KDSR: variants seen among roughly 807,000 people sequenced by gnomAD.
The protein encoded by KDSR is 3-dehydrosphinganine reductase.
A neutral mutation model predicts 41.3 loss-of-function variants in KDSR; 23 were observed. The ratio of observed to expected loss-of-function variants is 0.56; its 90% CI spans 0.40 to 0.79. The LOEUF (loss-of-function observed/expected upper bound fraction) is 0.79. Among genes scored for constraint, KDSR ranks in the 30% least tolerant of loss-of-function variants. The probability of loss-of-function intolerance (pLI) is 0.00; values close to 1 mark genes in which losing one functional copy is unlikely to be tolerated. For missense variants in KDSR, 351 were observed against 416.8 expected, an observed-to-expected ratio of 0.84 and a Z score of 1.37; for synonymous variants, 138 against 151.7, an observed-to-expected ratio of 0.91 and a Z score of 0.66.
At chr18:63,348,684 G>A (rs1427617170) in intron 6 of KDSR, among the ~76,000 whole-genome samples, 1 of 152,134 alleles carries the variant, frequency 6.6e-6, no homozygotes, top group African/African-American at 2.4e-5. Flanking sequence ...GGCTCTGTCT[G>A]TACCAGCAAT....
chr18:63,359,330 C>T (rs1914897518), intron 3 of KDSR, among the ~76,000 whole-genome samples: 1 of 151,962 alleles, frequency 6.6e-6, no homozygotes, highest in African/African-American at 2.4e-5. Context: ...ATTTCTACTT[C>T]TTAGGCTGGG....
intron 2 of KDSR, among the ~76,000 whole-genome samples, chr18:63,362,459 C>G (rs1406844531): frequency 6.6e-6 from 1 of 152,216 alleles, no homozygotes; most frequent in Non-Finnish European, 1.5e-5. Context: ...TCTGACCTGG[C>G]CAAGGGCCCT....
At chr18:63,364,675 C>T (rs1044787895) in intron 1 of KDSR, among the ~76,000 whole-genome samples, 2 of 152,128 alleles carry the variant, frequency 1.3e-5, no homozygotes, top group African/African-American at 4.8e-5. Context: ...AACTCCTGAC[C>T]TCAAGTTATG....
chr18:63,336,164 G>C (rs1266646388), intron 8 of KDSR: 1 of 152,576 alleles, frequency 6.6e-6, no homozygotes, highest in African/African-American at 2.4e-5. Context: ...CAAGTAGCTG[G>C]GATTACAGGC....
chr18:63,360,346 C>T (rs907977660), intron 2 of KDSR, among the ~76,000 whole-genome samples: 1 of 152,070 alleles, frequency 6.6e-6, no homozygotes, highest in Non-Finnish European at 1.5e-5. Context: ...TTCCAAGGTC[C>T]TAATTTTGTT....
intron 1 of KDSR, among the ~76,000 whole-genome samples, chr18:63,363,219 CT>C (rs1185123481): frequency 0.03 from 3,308 of 111,282 alleles, 70 homozygotes; most frequent in African/African-American, 0.087. Context: ...TTTTTTTTTT[CT>C]TTTTTTTTTT....
Position 63,328,134 on chromosome 18 carries a change from CAT to C in KDSR, c.*3646_*3647del. 5.4e-6 allele frequency: 1 copy of C among 186,740 alleles called. No homozygotes were observed. Among genetic ancestry groups the C allele is most frequent in the Non-Finnish European group, 1.1e-5 (1 of 88,580 alleles). The allele number at this position is 186,740 out of a possible 1,614,324, so 11.6% of individuals were successfully genotyped here. ...TAAAAGTGGCCTCAAGTGAGTAATA[CAT>C]GTTTAAATTAGAACCTGATGTAATT... On this transcript the variant is annotated 3_prime_UTR_variant, in exon 10 of 10. Coordinates refer to ENST00000645214, the MANE Select transcript of KDSR (RefSeq NM_002035.4).
intron 7 of KDSR, among the ~76,000 whole-genome samples, chr18:63,344,061 C>G (rs896646757): frequency 1.3e-5 from 2 of 152,116 alleles, no homozygotes; most frequent in African/African-American, 4.8e-5. Context: ...CCTGTAGGCC[C>G]AGCTACTCAG....
intron 6 of KDSR, among the ~76,000 whole-genome samples, chr18:63,350,475 C>A (rs1279894045): frequency 6.6e-6 from 1 of 152,156 alleles, no homozygotes; most frequent in East Asian, 1.9e-4. Flanking sequence ...TAAAAATTAG[C>A]AGCTGATTCA....
At chr18:63,354,794 T>A (rs992175005) in intron 5 of KDSR, among the ~76,000 whole-genome samples, 6 of 152,260 alleles carry the variant, frequency 3.9e-5, no homozygotes, top group Non-Finnish European at 8.8e-5. Context: ...AGTATCTTTT[T>A]ATCTTGATTT....
chr18:63,347,895 T>C (rs987770793), intron 6 of KDSR, among the ~76,000 whole-genome samples: 1 of 152,214 alleles, frequency 6.6e-6, no homozygotes, highest in African/African-American at 2.4e-5. Context: ...AAATTACTCA[T>C]AGTACCCTTA....
chr18:63,352,243 T>C (rs1914678596), intron 5 of KDSR, among the ~76,000 whole-genome samples: 1 of 152,224 alleles, frequency 6.6e-6, no homozygotes, highest in African/African-American at 2.4e-5. Flanking sequence ...TTTTTTTTCA[T>C]ATTATGAACA....
chr18:63,335,309 G>T lies in KDSR; in HGVS notation c.827C>A (p.Ala276Asp). The change falls in exon 9 of 10, where the codon GCC (alanine) becomes GAC (aspartate). Residue 276 changes from alanine (A) to aspartate (D), a missense_variant. By Grantham distance (126) the Ala-to-Asp change is moderately radical (BLOSUM62 -2). Coordinates refer to ENST00000645214, the MANE Select transcript of KDSR (RefSeq NM_002035.4). ...SLGSDGYMLS[A>D]LTCGMAPVTS... Reference sequence around the variant, plus strand: ...TACTGGAGCCATCCCACAGGTCAGGGCCGAGAGCATGTACCCATCTGAGCC... The same window carrying T: ...TACTGGAGCCATCCCACAGGTCAGGTCCGAGAGCATGTACCCATCTGAGCC... The T allele has an allele frequency of 6.2e-7, 1 of 1,614,048 alleles. No individual in the cohort carries two copies.
intron 6 of KDSR, chr18:63,345,941 C>CAA (rs1914488162): frequency 6.7e-6 from 1 of 149,524 alleles, no homozygotes. Context: ...AGACTCCATC[C>CAA]CAAAAAAAAA....
intron 2 of KDSR, 79 bp downstream of exon 2, chr18:63,362,700 C>T: frequency 1.1e-6 from 1 of 935,790 alleles, no homozygotes; most frequent in Non-Finnish European, 1.7e-6. Context: ...GGTGTGAATG[C>T]TAAGATGTTT....
rs1555713254 is a variant in KDSR, at chr18:63,337,113, A to ATATAT, written c.777+1686_777+1687insATATA. The stretch of plus-strand genomic sequence containing the variant: ...GTGACTTTATATATATATATATGTG[A>ATATAT]ATATATATATATATATATATATATG... On this transcript the variant is annotated intron_variant, in intron 8 of 9. Coordinates refer to ENST00000645214, the MANE Select transcript of KDSR (RefSeq NM_002035.4). Among the ~76,000 whole-genome samples the ATATAT allele has an allele frequency of 7.0e-3, 895 of 127,586 alleles. 46 individuals are homozygous for ATATAT. The highest frequency in any genetic ancestry group is 8.5e-3 in the Non-Finnish European group (520 of 61,044). 83.7% of individuals were successfully genotyped at this position (127,586 alleles called of 152,430 possible). A position where few individuals can be genotyped will look rare whatever the true frequency, so the allele number is the denominator to read the frequency against.
chr18:63,367,111 A>G lies in KDSR; in HGVS notation c.8T>C (p.Leu3Pro). Residue 3 changes from leucine to proline, a missense_variant, in exon 1 of 10, where the codon CTG becomes CCG. Transcript: ENST00000645214. ...GGCCACGAGGAAGGCGGCAGCCAGC[A>G]GCAGCATCGCTCCGCGGGGCCAGGG... ML[L>P]LAAAFLVAFV... The G allele has an allele frequency of 7.5e-7, 1 of 1,329,396 alleles. No individual in the cohort carries two copies. Among genetic ancestry groups the G allele is most frequent in the Non-Finnish European group, 9.7e-7 (1 of 1,036,016 alleles). The allele number at this position is 1,329,396 out of a possible 1,614,324, so 82.4% of individuals were successfully genotyped here. A position where few individuals can be genotyped will look rare whatever the true frequency, so the allele number is the denominator to read the frequency against.
chr18:63,330,172 C>CA lies in KDSR; in HGVS notation c.*1609dup, dbSNP rs1012692636. The CA allele has an allele frequency of 1.2e-4, 24 of 194,804 alleles. No individual in the cohort carries two copies. Among genetic ancestry groups the CA allele is most frequent in the South Asian group, 3.9e-4 (2 of 5,184 alleles). 12.1% of individuals were successfully genotyped at this position (194,804 alleles called of 1,614,324 possible). A position where few individuals can be genotyped will look rare whatever the true frequency, so the allele number is the denominator to read the frequency against. ...GTCAAGAGCTTCAAAAACTCAAGAG[C>CA]AAAAAAAAGGTATGCTATAATTTTT... On this transcript the variant is annotated 3_prime_UTR_variant, in exon 10 of 10. Coordinates refer to ENST00000645214, the MANE Select transcript of KDSR (RefSeq NM_002035.4).
In KDSR at chr18:63,329,119, A is replaced by C. The variant is rs1236162947; in HGVS notation, c.*2663T>G. 2.0e-5 allele frequency: 4 copies of C among 199,820 alleles called. No individual in the cohort carries two copies. The highest frequency in any genetic ancestry group is 1.0e-5 in the Non-Finnish European group (1 of 96,926). The allele number at this position is 199,820 out of a possible 1,614,324, so 12.4% of individuals were successfully genotyped here. ...TTGTTCAAGCATTGAACCAAAAAAT[A>C]TAAAAAATAGAATTTGCCTTGTAAT... On this transcript the variant is annotated 3_prime_UTR_variant, in exon 10 of 10. Transcript: ENST00000645214.
Sources: allele counts gnomAD v4.1 joint callset (sites outside exome capture counted in the v4.1 genomes callset), GRCh38; gene constraint gnomAD v4.1.1; transcripts MANE v1.5; gene names NCBI Gene and HGNC (gene_info 2026-07-23, HGNC 2026-07-21).